FGD4: variants seen among roughly 807,000 people sequenced by gnomAD.
The protein encoded by FGD4 is FYVE, RhoGEF and PH domain-containing protein 4.
Under a neutral mutation model 102.0 loss-of-function variants are expected in FGD4, and 42 were observed. The ratio of observed to expected loss-of-function variants is 0.41; its 90% CI spans 0.32 to 0.53. The LOEUF (loss-of-function observed/expected upper bound fraction) is 0.53, where lower values mean the gene tolerates loss of function less well. FGD4 is among the 20% of genes least tolerant of loss of function. The pLI, the probability that FGD4 is intolerant of heterozygous loss-of-function variation, is 0.21. For missense variants in FGD4, 902 were observed against 1,078.2 expected (o/e 0.84, Z 2.29); for synonymous variants, 380 against 375.7 (o/e 1.01, Z -0.13).
chr12:32,559,678 A>G (rs1236070811), intron 1 of FGD4, among the ~76,000 whole-genome samples: 1 of 152,260 alleles, frequency 6.6e-6, no homozygotes, highest in East Asian at 1.9e-4. Flanking sequence ...TATTCTCTGT[A>G]AACATGACAC....
rs560897662 is a variant in FGD4, at chr12:32,538,687, G to A, written c.167-25450G>A. 9.2e-5 allele frequency among the ~76,000 whole-genome samples: 14 copies of A among 152,288 alleles called. No homozygotes were observed. The South Asian group carries it at 1.0e-3, about 11-fold the overall frequency. The stretch of plus-strand genomic sequence containing the variant: ...GAAAAGAGATGAGGGAGAAGCTTTG[G>A]GGTGTGAAACCAAGAAATCTGGAGC... On this transcript the variant is annotated intron_variant, in intron 1 of 16. Coordinates refer to ENST00000534526, the MANE Select transcript of FGD4 (RefSeq NM_001370298.3).
intron 1 of FGD4, chr12:32,486,013 C>G (rs1396927425): frequency 4.2e-6 from 6 of 1,432,054 alleles, no homozygotes; most frequent in Non-Finnish European, 5.5e-6. Flanking sequence ...GTGTATGTGT[C>G]TAGTGTCTAA....
intron 1 of FGD4, among the ~76,000 whole-genome samples, chr12:32,521,178 G>T (rs1353288715): frequency 3.3e-5 from 5 of 152,014 alleles, no homozygotes; most frequent in Admixed American, 2.0e-4. Context: ...CACGAGGTCA[G>T]GAGATCGAGA....
intron 1 of FGD4, among the ~76,000 whole-genome samples, chr12:32,422,287 G>GTTTTT (rs1565730786): frequency 4.4e-5 from 4 of 91,676 alleles, no homozygotes; most frequent in African/African-American, 1.6e-4. Context: ...ATTGGGAGCT[G>GTTTTT]CTTTTTTTTT....
At chr12:32,504,243 T>A (rs1356530364) in intron 1 of FGD4, among the ~76,000 whole-genome samples, 1 of 152,068 alleles carries the variant, frequency 6.6e-6, no homozygotes, top group Non-Finnish European at 1.5e-5. Flanking sequence ...AACTTAGTGG[T>A]TCTTGAGGGT....
intron 4 of FGD4, among the ~76,000 whole-genome samples, chr12:32,591,880 G>T (rs1298200702): frequency 1.3e-5 from 2 of 152,196 alleles, no homozygotes; most frequent in African/African-American, 4.8e-5. Context: ...AAGGCAGACA[G>T]TAACAGCCTA....
intron 1 of FGD4, among the ~76,000 whole-genome samples, chr12:32,410,854 C>G (rs767412846): frequency 2.0e-5 from 3 of 151,602 alleles, no homozygotes; most frequent in Non-Finnish European, 2.9e-5. Context: ...GAGCCTCTGA[C>G]AGGGTTTTGT....
At chr12:32,486,415 A>T (rs7977293) in intron 1 of FGD4, among the ~76,000 whole-genome samples, 2 of 152,038 alleles carry the variant, frequency 1.3e-5, no homozygotes, top group African/African-American at 4.8e-5. Context: ...CTGTGAGTTC[A>T]TAGCACAGAG....
chr12:32,518,685 A>G (rs1238324509), intron 1 of FGD4, among the ~76,000 whole-genome samples: 1 of 152,166 alleles, frequency 6.6e-6, no homozygotes, highest in Non-Finnish European at 1.5e-5. Context: ...GTGGACTGAG[A>G]TGATGTTATT....
At chr12:32,536,610 T>C (rs1942284810) in intron 1 of FGD4, among the ~76,000 whole-genome samples, 1 of 152,224 alleles carries the variant, frequency 6.6e-6, no homozygotes. Context: ...TGCTAAGCTC[T>C]GGCTAGAACA....
intron 1 of FGD4, among the ~76,000 whole-genome samples, chr12:32,404,299 A>G (rs1182308147): frequency 6.6e-6 from 1 of 150,492 alleles, no homozygotes; most frequent in Non-Finnish European, 1.5e-5. Flanking sequence ...GAATGCTCAC[A>G]TTTTCAACAT....
intron 7 of FGD4, 29 bp downstream of exon 7, chr12:32,602,346 G>A: frequency 1.2e-6 from 2 of 1,612,508 alleles, no homozygotes; most frequent in East Asian, 2.2e-5. Context: ...TCAAAGCTAT[G>A]AATTACTATT....
chr12:32,434,239 A>G (rs1174225170), intron 1 of FGD4, among the ~76,000 whole-genome samples: 4 of 152,132 alleles, frequency 2.6e-5, no homozygotes, highest in Non-Finnish European at 2.9e-5. Context: ...GTCTGTTCCT[A>G]GCTCTTTTAT....
At chr12:32,542,025 C>G (rs947369283) in intron 1 of FGD4, among the ~76,000 whole-genome samples, 3 of 152,078 alleles carry the variant, frequency 2.0e-5, no homozygotes, top group African/African-American at 7.2e-5. Flanking sequence ...TCTGGGTGAT[C>G]CTTACCTTGG....
chr12:32,610,887 T>A, intron 9 of FGD4, 53 bp downstream of exon 9: 5 of 1,549,864 alleles, frequency 3.2e-6, no homozygotes, highest in Non-Finnish European at 3.6e-6. Context: ...TTATCAATAA[T>A]ACTGCCTCAA....
intron 4 of FGD4, among the ~76,000 whole-genome samples, chr12:32,589,123 A>G (rs1947274681): frequency 6.6e-6 from 1 of 152,194 alleles, no homozygotes; most frequent in Non-Finnish European, 1.5e-5. Flanking sequence ...TGAGGTATAG[A>G]TCATGTACTA....
In FGD4 at chr12:32,446,173, G is replaced by A. The variant is rs146764120; in HGVS notation, c.166+46214G>A. On this transcript the variant is annotated intron_variant, in intron 1 of 16. Transcript: ENST00000534526. The stretch of plus-strand genomic sequence containing the variant: ...TTGTCTCAAAAAATAAAAATAAAAT[G>A]TTACTTTGTTTTGTGGACCAAGGGA... Among the ~76,000 whole-genome samples the A allele has an allele frequency of 1.2e-3, 178 of 152,224 alleles. 1 individual carries two copies. Among genetic ancestry groups the A allele is most frequent in the African/African-American group, 4.0e-3 (168 of 41,544 alleles).
chr12:32,401,989 G>A (rs113849358), intron 1 of FGD4, among the ~76,000 whole-genome samples: 9,069 of 147,166 alleles, frequency 0.062, 399 homozygotes, highest in Middle Eastern at 0.15. Flanking sequence ...TGCAAGCTCC[G>A]CCTCCCGGGT....
At chr12:32,562,553 C>T (rs1592228506) in intron 1 of FGD4, among the ~76,000 whole-genome samples, 3 of 152,156 alleles carry the variant, frequency 2.0e-5, no homozygotes, top group South Asian at 4.2e-4. Context: ...GGCAGAGGAC[C>T]CTGCGGCCTT....
Sources: allele counts gnomAD v4.1 joint callset (sites outside exome capture counted in the v4.1 genomes callset), GRCh38; gene constraint gnomAD v4.1.1; transcripts MANE v1.5; gene names NCBI Gene and HGNC (gene_info 2026-07-23, HGNC 2026-07-21).